The following GPC5 variants were observed in gnomAD, a reference collection of about 807,000 sequenced individuals.
The protein encoded by GPC5 is glypican-5.
In GPC5, 47 loss-of-function variants were observed where a neutral mutation model predicts 53.9. The ratio of observed to expected loss-of-function variants is 0.87; its 90% CI spans 0.69 to 1.11. The LOEUF is 1.11. Among genes scored for constraint, GPC5 ranks in the 50% most tolerant of loss-of-function variants. The pLI, the probability that GPC5 is intolerant of heterozygous loss-of-function variation, is 0.00. For missense variants in GPC5, 748 were observed against 713.1 expected (o/e 1.05, Z -0.56); for synonymous variants, 286 against 263.3 (o/e 1.09, Z -0.84).
intron 1 of GPC5, among the ~76,000 whole-genome samples, chr13:91,434,365 A>G (rs993366449): frequency 9.2e-5 from 14 of 151,932 alleles, no homozygotes; most frequent in African/African-American, 3.4e-4. Context: ...ATCCATCTTG[A>G]ATTAATTTTT....
At chr13:91,433,600 A>G (rs989085839) in intron 1 of GPC5, among the ~76,000 whole-genome samples, 3 of 152,024 alleles carry the variant, frequency 2.0e-5, no homozygotes, top group Non-Finnish European at 2.9e-5. Flanking sequence ...CAGTCTATCA[A>G]TGTTGGACAT....
intron 7 of GPC5, among the ~76,000 whole-genome samples, chr13:92,539,402 G>C (rs78976909): frequency 6.6e-6 from 1 of 151,988 alleles, no homozygotes; most frequent in Non-Finnish European, 1.5e-5. Flanking sequence ...GTTTTGATTC[G>C]CATTTCTCTG....
chr13:92,473,732 C>T (rs9589555), intron 7 of GPC5, among the ~76,000 whole-genome samples: 16,700 of 152,018 alleles, frequency 0.11, 1,609 homozygotes, highest in African/African-American at 0.27. Context: ...AATTCCCTTA[C>T]GTTTTTATAG....
At chr13:92,181,722 A>C (rs2042148464) in intron 7 of GPC5, among the ~76,000 whole-genome samples, 3 of 152,206 alleles carry the variant, frequency 2.0e-5, no homozygotes. Context: ...TCTCAGTTTG[A>C]TGTTTGTGTA....
chr13:91,888,324 G>A (rs2039348385), intron 5 of GPC5, among the ~76,000 whole-genome samples: 1 of 152,166 alleles, frequency 6.6e-6, no homozygotes, highest in Non-Finnish European at 1.5e-5. Flanking sequence ...GACACGTGGG[G>A]ATTATGGGAG....
intron 7 of GPC5, among the ~76,000 whole-genome samples, chr13:92,830,956 C>T (rs1365391209): frequency 6.6e-6 from 1 of 152,080 alleles, no homozygotes; most frequent in Non-Finnish European, 1.5e-5. Flanking sequence ...AGCAGTGGTA[C>T]TTGGCTGTTT....
chr13:92,790,805 T>C (rs1012246717), intron 7 of GPC5, among the ~76,000 whole-genome samples: 8 of 152,134 alleles, frequency 5.3e-5, no homozygotes, highest in Admixed American at 2.6e-4. Context: ...CCCTCCTTCA[T>C]TGAGAAGCTG....
At chr13:92,842,862 ACAAT>A (rs1878477836) in intron 7 of GPC5, among the ~76,000 whole-genome samples, 3 of 152,178 alleles carry the variant, frequency 2.0e-5, no homozygotes, top group Admixed American at 2.0e-4. Context: ...ATAATACTTA[ACAAT>A]CATTCAAAAC....
intron 1 of GPC5, among the ~76,000 whole-genome samples, chr13:91,446,831 G>A (rs531977704): frequency 7.2e-5 from 11 of 152,286 alleles, no homozygotes; most frequent in East Asian, 1.9e-4. Flanking sequence ...TCTTATAGGC[G>A]ATACTGATGG....
At chr13:92,449,190 T>C (rs756239512) in intron 7 of GPC5, 5 of 152,104 alleles carry the variant, frequency 3.3e-5, no homozygotes, top group Admixed American at 6.6e-5. Flanking sequence ...CATACATACA[T>C]TGAACAAAAG....
At chr13:92,341,814 A>G (rs1288200458) in intron 7 of GPC5, among the ~76,000 whole-genome samples, 1 of 152,100 alleles carries the variant, frequency 6.6e-6, no homozygotes, top group Non-Finnish European at 1.5e-5. Context: ...AGTATAGTCA[A>G]TAAAATATTA....
chr13:92,126,247 C>T (rs1594773634), intron 6 of GPC5, among the ~76,000 whole-genome samples: 1 of 152,058 alleles, frequency 6.6e-6, no homozygotes, highest in African/African-American at 2.4e-5. Flanking sequence ...GCCACCGCAC[C>T]TGGCCAAAAT....
intron 7 of GPC5, among the ~76,000 whole-genome samples, chr13:92,592,609 A>G (rs1015036569): frequency 6.6e-6 from 1 of 151,442 alleles, no homozygotes; most frequent in Admixed American, 6.6e-5. Flanking sequence ...GATAAGTGGC[A>G]TGAAGAAAAA....
At chr13:92,382,488 G>T (rs1387728708) in intron 7 of GPC5, among the ~76,000 whole-genome samples, 1 of 152,014 alleles carries the variant, frequency 6.6e-6, no homozygotes, top group South Asian at 2.1e-4. Flanking sequence ...TACTTTAATT[G>T]CCCTGTTACT....
chr13:91,626,425 C>T (rs1478069353), intron 2 of GPC5, among the ~76,000 whole-genome samples: 1 of 152,034 alleles, frequency 6.6e-6, no homozygotes, highest in Admixed American at 6.6e-5. Context: ...ATTATCCAGG[C>T]CTACCTGCCT....
intron 2 of GPC5, among the ~76,000 whole-genome samples, chr13:91,493,707 C>T (rs1452616981): frequency 3.3e-5 from 5 of 152,264 alleles, no homozygotes; most frequent in South Asian, 4.1e-4. Context: ...CCCAGACATT[C>T]GCTTCATTCC....
intron 2 of GPC5, among the ~76,000 whole-genome samples, chr13:91,689,164 G>A (rs1420529167): frequency 8.7e-6 from 1 of 114,552 alleles, no homozygotes; most frequent in African/African-American, 3.2e-5. Flanking sequence ...GCAAAATGTT[G>A]TCTCAAAAAA....
intron 7 of GPC5, among the ~76,000 whole-genome samples, chr13:92,609,860 G>A (rs1412093473): frequency 1.1e-4 from 17 of 151,688 alleles, no homozygotes; most frequent in Admixed American, 3.3e-4. Context: ...GTGAAATCCC[G>A]TCTCTACTAA....
intron 2 of GPC5, among the ~76,000 whole-genome samples, chr13:91,460,658 A>C (rs1273374826): frequency 6.6e-6 from 1 of 152,126 alleles, no homozygotes; most frequent in Non-Finnish European, 1.5e-5. Flanking sequence ...AGTTTGTGTA[A>C]GTGACATTAC....
Sources: gnomAD v4.1 joint callset for allele counts (sites outside exome capture counted in the v4.1 genomes callset) on GRCh38, gnomAD v4.1.1 for gene constraint, MANE v1.5 for transcripts, NCBI Gene and HGNC (gene_info 2026-07-23, HGNC 2026-07-21) for gene names.